Variants in ZNF385B observed in about 807,000 individuals in gnomAD.
ZNF385B encodes zinc finger protein 533.
A neutral mutation model predicts 39.2 loss-of-function variants in ZNF385B; 23 were observed. That is an observed-to-expected ratio of 0.59 (90% CI 0.42 to 0.83). ZNF385B has a LOEUF of 0.83. ZNF385B is among the 40% of genes least tolerant of loss of function. The pLI is 0.00. For missense variants in ZNF385B, 552 were observed against 598.9 expected (o/e 0.92, Z 0.82); for synonymous variants, 205 against 222.6 (o/e 0.92, Z 0.70).
chr2:179,614,476 G>C (rs928248662), intron 3 of ZNF385B, among the ~76,000 whole-genome samples: 1 of 152,080 alleles, frequency 6.6e-6, no homozygotes, highest in East Asian at 1.9e-4. Context: ...AAACTTCTAG[G>C]GTAAATTATA....
At chr2:179,745,301 C>T (rs1203834618) in intron 3 of ZNF385B, among the ~76,000 whole-genome samples, 1 of 152,110 alleles carries the variant, frequency 6.6e-6, no homozygotes, top group Non-Finnish European at 1.5e-5. Flanking sequence ...TCCTATCTGT[C>T]TTTCATGTCA....
At chr2:179,470,990 G>T (rs1209512565) in intron 6 of ZNF385B, among the ~76,000 whole-genome samples, 1 of 152,138 alleles carries the variant, frequency 6.6e-6, no homozygotes, top group Non-Finnish European at 1.5e-5. Flanking sequence ...CAGAGGACAG[G>T]AATTTTGGAG....
At chr2:179,494,349 T>C (rs1282816050) in intron 5 of ZNF385B, among the ~76,000 whole-genome samples, 2 of 152,126 alleles carry the variant, frequency 1.3e-5, no homozygotes, top group African/African-American at 2.4e-5. Flanking sequence ...GGTTGCTGTA[T>C]GGAGAACCAA....
intron 3 of ZNF385B, among the ~76,000 whole-genome samples, chr2:179,733,035 T>C (rs1459556743): frequency 1.3e-5 from 2 of 152,158 alleles, no homozygotes; most frequent in East Asian, 3.9e-4. Context: ...AAGTAGAAGT[T>C]TTAAAGGAGG....
At chr2:179,525,715 T>G (rs1209118561) in intron 4 of ZNF385B, among the ~76,000 whole-genome samples, 1 of 152,220 alleles carries the variant, frequency 6.6e-6, no homozygotes, top group Non-Finnish European at 1.5e-5. Flanking sequence ...TATCCCTTCC[T>G]TCTTGAATAT....
chr2:179,667,766 G>GT (rs79920451), intron 3 of ZNF385B, among the ~76,000 whole-genome samples: 59,216 of 151,998 alleles, frequency 0.39, 11,773 homozygotes, highest in African/African-American at 0.46. Context: ...ACAACATACA[G>GT]TGCAGAGATG....
chr2:179,848,503 A>G (rs1396198337), intron 1 of ZNF385B, among the ~76,000 whole-genome samples: 2 of 152,310 alleles, frequency 1.3e-5, no homozygotes, highest in Admixed American at 1.3e-4. Context: ...AAATTTTTAT[A>G]AGGTGTCTAT....
intron 6 of ZNF385B, among the ~76,000 whole-genome samples, chr2:179,480,637 A>G (rs2053888674): frequency 6.6e-6 from 1 of 152,180 alleles, no homozygotes; most frequent in Non-Finnish European, 1.5e-5. Flanking sequence ...ATTCTTGCTT[A>G]GAAGCTGACA....
chr2:179,642,684 G>A (rs541537198), intron 3 of ZNF385B, among the ~76,000 whole-genome samples: 1 of 152,284 alleles, frequency 6.6e-6, no homozygotes, highest in South Asian at 2.1e-4. Context: ...ACAATAGTGT[G>A]TAAAACTGCT....
rs949467128 is a variant in ZNF385B at position 179,724,146 on chromosome 2, G to A, written c.298+45357C>T. On this transcript the variant is annotated intron_variant, in intron 3 of 9. Transcript: ENST00000410066. ...CAATATGGTGAAACCCCATCTCTAC[G>A]AAAAATACAAAAATTCACCGGGCAT... Among the ~76,000 whole-genome samples, 5 of 151,864 alleles carry A rather than the reference G, an allele frequency of 3.3e-5. 1 individual carries two copies. The South Asian group carries it at 6.2e-4, about 19-fold the overall frequency.
At chr2:179,635,453 A>C (rs1691671792) in intron 3 of ZNF385B, among the ~76,000 whole-genome samples, 1 of 152,056 alleles carries the variant, frequency 6.6e-6, no homozygotes, top group Admixed American at 6.6e-5. Flanking sequence ...TGATGGGTGC[A>C]GCAAACCAAT....
intron 3 of ZNF385B, among the ~76,000 whole-genome samples, chr2:179,704,502 A>G (rs1264045845): frequency 6.6e-6 from 1 of 152,236 alleles, no homozygotes; most frequent in Non-Finnish European, 1.5e-5. Flanking sequence ...ACAAAAGGAA[A>G]CACCTCTGGG....
intron 6 of ZNF385B, among the ~76,000 whole-genome samples, chr2:179,464,291 T>C (rs1052054707): frequency 1.3e-5 from 2 of 152,230 alleles, no homozygotes; most frequent in Non-Finnish European, 2.9e-5. Flanking sequence ...TCTCCCATTC[T>C]GTAGGTTGCC....
intron 3 of ZNF385B, among the ~76,000 whole-genome samples, chr2:179,564,426 T>C (rs956727478): frequency 6.6e-6 from 1 of 152,146 alleles, no homozygotes; most frequent in African/African-American, 2.4e-5. Context: ...GTCATCACCT[T>C]GAGTTAGTTA....
At chr2:179,545,236 G>T (rs186842593) in intron 3 of ZNF385B, among the ~76,000 whole-genome samples, 12 of 152,292 alleles carry the variant, frequency 7.9e-5, no homozygotes, top group Admixed American at 7.9e-4. Context: ...AGATCCTACT[G>T]GCAGGAGGGT....
At chr2:179,467,986 C>T (rs2052273387) in intron 6 of ZNF385B, among the ~76,000 whole-genome samples, 1 of 152,162 alleles carries the variant, frequency 6.6e-6, no homozygotes, top group African/African-American at 2.4e-5. Context: ...ATTTGAAAGC[C>T]TCTATCAATC....
intron 3 of ZNF385B, among the ~76,000 whole-genome samples, chr2:179,754,767 CG>C (rs1191415990): frequency 6.6e-6 from 1 of 152,094 alleles, no homozygotes; most frequent in Non-Finnish European, 1.5e-5. Flanking sequence ...TCTTTGGGAT[CG>C]GTGGTGATAT....
intron 3 of ZNF385B, among the ~76,000 whole-genome samples, chr2:179,716,853 C>T (rs1384653557): frequency 1.3e-5 from 2 of 152,176 alleles, no homozygotes; most frequent in Non-Finnish European, 2.9e-5. Context: ...TATGAAGAGA[C>T]CACATAGCTG....
chr2:179,803,331 A>C (rs1706149197), intron 1 of ZNF385B, among the ~76,000 whole-genome samples: 1 of 152,212 alleles, frequency 6.6e-6, no homozygotes, highest in Non-Finnish European at 1.5e-5. Context: ...ACAAAAAAAC[A>C]GACAAAGTAA....
Sources: gnomAD v4.1 joint callset for allele counts (sites outside exome capture counted in the v4.1 genomes callset) on GRCh38, gnomAD v4.1.1 for gene constraint, MANE v1.5 for transcripts, NCBI Gene and HGNC (gene_info 2026-07-23, HGNC 2026-07-21) for gene names.